Variants in MAST4 observed in about 807,000 individuals in gnomAD.
MAST4 encodes the protein microtubule associated serine/threonine kinase family member 4.
MAST4 carries 89 observed loss-of-function variants against 162.7 expected under a neutral mutation model. The ratio of observed to expected loss-of-function variants is 0.55; its 90% CI spans 0.46 to 0.65. MAST4 has a LOEUF of 0.65. Among genes scored for constraint, MAST4 ranks in the 30% least tolerant of loss-of-function variants. The pLI, the probability that MAST4 is intolerant of heterozygous loss-of-function variation, is 0.00. For missense variants in MAST4, 3,153 were observed against 3,374.0 expected (o/e 0.93, Z 1.62); for synonymous variants, 1,479 against 1,361.1 (o/e 1.09, Z -1.91).
intron 1 of MAST4, among the ~76,000 whole-genome samples, chr5:66,669,538 AG>A (rs1425480269): frequency 6.6e-6 from 1 of 152,230 alleles, no homozygotes; most frequent in African/African-American, 2.4e-5. Context: ...TCCTGGGCTC[AG>A]CAGCAGTGGG....
chr5:67,106,811 C>G (rs936253346), intron 10 of MAST4, among the ~76,000 whole-genome samples: 3 of 152,120 alleles, frequency 2.0e-5, no homozygotes, highest in African/African-American at 4.8e-5. Flanking sequence ...GCTCTTTGAG[C>G]AACAGGAGTC....
At chr5:67,063,846 A>AT (rs1262958573) in intron 5 of MAST4, among the ~76,000 whole-genome samples, 13 of 152,198 alleles carry the variant, frequency 8.5e-5, no homozygotes, top group Admixed American at 1.3e-4. Context: ...TTAAAGAAAG[A>AT]TTGGATGTAG....
intron 1 of MAST4, among the ~76,000 whole-genome samples, chr5:66,733,540 A>C (rs1003724191): frequency 6.6e-6 from 1 of 151,942 alleles, no homozygotes; most frequent in Non-Finnish European, 1.5e-5. Flanking sequence ...GCTCATTGCA[A>C]CCTCCGCCTC....
chr5:66,938,614 T>C (rs1561461982), intron 4 of MAST4, among the ~76,000 whole-genome samples: 1 of 152,200 alleles, frequency 6.6e-6, no homozygotes, highest in Non-Finnish European at 1.5e-5. Flanking sequence ...CACCAAGTTA[T>C]ACCTGAACCG....
chr5:66,753,894 A>G (rs556392637), intron 1 of MAST4, among the ~76,000 whole-genome samples: 1 of 151,010 alleles, frequency 6.6e-6, no homozygotes, highest in South Asian at 2.2e-4. Flanking sequence ...CTGACGCAAA[A>G]ATCCTGAATA....
At chr5:66,636,949 A>G (rs980474109) in intron 1 of MAST4, among the ~76,000 whole-genome samples, 7 of 152,224 alleles carry the variant, frequency 4.6e-5, no homozygotes, top group Non-Finnish European at 8.8e-5. Context: ...CATTATTGTT[A>G]AAGTCTCAGA....
intron 4 of MAST4, among the ~76,000 whole-genome samples, chr5:66,976,883 T>A (rs1272389354): frequency 6.6e-6 from 1 of 152,202 alleles, no homozygotes; most frequent in African/African-American, 2.4e-5. Flanking sequence ...ACACTTCTAG[T>A]AGCCACTGAC....
intron 4 of MAST4, among the ~76,000 whole-genome samples, chr5:66,957,368 T>C (rs1302374934): frequency 6.6e-6 from 1 of 152,048 alleles, no homozygotes. Flanking sequence ...TGAGATGGAG[T>C]CTTGCTGTGT....
intron 3 of MAST4, among the ~76,000 whole-genome samples, chr5:66,837,218 A>G (rs1215583543): frequency 6.6e-6 from 1 of 152,196 alleles, no homozygotes; most frequent in Non-Finnish European, 1.5e-5. Context: ...ATGAATTCAA[A>G]TGAGGTATGG....
At position 66,788,778 on chromosome 5, in the gene MAST4, C is replaced by A. The variant is rs1372591292; in HGVS notation, c.626C>A (p.Ser209Ter). Reference protein sequence around the residue: ...RSQALGQSAPSLTASLKELSL... With the variant: ...RSQALGQSAP ...CAGGCCCTGGGCCAGTCGGCGCCCT[C>A]GCTCACCGCCAGCCTGGTGAGTGTC... Residue 209 changes from serine (S) to a stop codon, truncating the protein, a stop_gained, in exon 3 of 29, where the codon TCG becomes TAG. Transcript: ENST00000403625. LOFTEE classifies it high-confidence loss of function. 1.3e-6 allele frequency: 2 copies of A among 1,594,260 alleles called. No individual in the cohort carries two copies. Among genetic ancestry groups the A allele is most frequent in the Non-Finnish European group, 1.7e-6 (2 of 1,169,890 alleles).
In MAST4 at chr5:66,864,085, A is replaced by T. The variant is rs556252605; in HGVS notation, c.643-35866A>T. ...GATTGGTTTAATAAATATTTATTGA[A>T]CACCTACTAAGTGCCAGGTAGAAAA... On this transcript the variant is annotated intron_variant, in intron 3 of 28. Coordinates refer to ENST00000403625, the MANE Select transcript of MAST4 (RefSeq NM_001164664.2). Among the ~76,000 whole-genome samples the T allele has an allele frequency of 1.8e-4, 27 of 152,348 alleles. No homozygotes were observed. The South Asian group carries it at 5.6e-3, about 32-fold the overall frequency.
At position 67,032,485 on chromosome 5, in the gene MAST4, A is replaced by G. The variant is rs151078476; in HGVS notation, c.675-21919A>G. Among the ~76,000 whole-genome samples, 173 of 152,302 alleles carry G rather than the reference A, an allele frequency of 1.1e-3. 1 individual carries two copies. Among genetic ancestry groups the G allele is most frequent in the African/African-American group, 4.0e-3 (167 of 41,582 alleles). On this transcript the variant is annotated intron_variant, in intron 4 of 28. Transcript: ENST00000403625. The stretch of plus-strand genomic sequence containing the variant: ...TAGGGTCACAGAAAGAACAAGATAC[A>G]TGCTTGTCTGCAGTGCCTAGTAGGA...
At chr5:66,678,307 G>A (rs1220964047) in intron 1 of MAST4, among the ~76,000 whole-genome samples, 2 of 152,032 alleles carry the variant, frequency 1.3e-5, no homozygotes, top group Admixed American at 1.3e-4. Flanking sequence ...ACAAAGTTAG[G>A]AAGGATAAGT....
chr5:67,125,127 A>G (rs778988515), intron 14 of MAST4, among the ~76,000 whole-genome samples: 11 of 152,140 alleles, frequency 7.2e-5, no homozygotes, highest in Non-Finnish European at 1.6e-4. Context: ...CAGTATGCCA[A>G]TTTACTCTCT....
Position 66,656,137 on chromosome 5 carries a change from G to C in MAST4, c.363+59119G>C, listed in dbSNP as rs949213413. Among the ~76,000 whole-genome samples, 5 of 152,194 alleles carry C rather than the reference G, an allele frequency of 3.3e-5. No homozygotes were observed. The East Asian group carries it at 9.6e-4, about 29-fold the overall frequency. ...GCTTGGTGCAGGCAGCCACAGGTGG[G>C]CCAGAGGCACAAGGGGGCCTGGTAC... is the stretch of plus-strand genomic sequence containing the variant. On this transcript the variant is annotated intron_variant, in intron 1 of 28. Transcript: ENST00000403625.
At chr5:66,876,707 G>A (rs1296425260) in intron 3 of MAST4, among the ~76,000 whole-genome samples, 1 of 152,198 alleles carries the variant, frequency 6.6e-6, no homozygotes, top group African/African-American at 2.4e-5. Context: ...CTATGACCCA[G>A]CGGCCTCAAT....
chr5:66,724,745 T>A (rs925400713), intron 1 of MAST4, among the ~76,000 whole-genome samples: 1 of 152,096 alleles, frequency 6.6e-6, no homozygotes, highest in Non-Finnish European at 1.5e-5. Context: ...TATATCTAAA[T>A]GTATCCAAAC....
At chr5:67,000,815 G>C (rs1751210003) in intron 4 of MAST4, among the ~76,000 whole-genome samples, 1 of 151,608 alleles carries the variant, frequency 6.6e-6, no homozygotes, top group African/African-American at 2.4e-5. Flanking sequence ...TCAGTAAAAA[G>C]GACCTGGCAT....
chr5:66,977,246 A>T (rs865859159), intron 4 of MAST4, among the ~76,000 whole-genome samples: 19 of 152,044 alleles, frequency 1.2e-4, no homozygotes, highest in African/African-American at 4.6e-4. Flanking sequence ...GATTACAGGC[A>T]TGCGCCACCA....
Sources: allele counts gnomAD v4.1 joint callset (sites outside exome capture counted in the v4.1 genomes callset), GRCh38; gene constraint gnomAD v4.1.1; transcripts MANE v1.5; gene names NCBI Gene and HGNC (gene_info 2026-07-23, HGNC 2026-07-21).